The following PPP4R1 variants were observed in gnomAD, a reference collection of about 807,000 sequenced individuals.
PPP4R1 encodes protein phosphatase 4 regulatory subunit 1.
PPP4R1 carries 42 observed loss-of-function variants against 111.2 expected under a neutral mutation model. The ratio of observed to expected loss-of-function variants is 0.38; its 90% confidence interval spans 0.29 to 0.49. PPP4R1 has a LOEUF of 0.49. Ranked by LOEUF, PPP4R1 falls within the 20% of genes least tolerant of loss-of-function variation. PPP4R1 has a pLI of 0.97. For missense variants in PPP4R1, 1,012 were observed against 1,161.6 expected, an observed-to-expected ratio of 0.87 and a Z score of 1.87; for synonymous variants, 409 against 405.5, an observed-to-expected ratio of 1.01 and a Z score of -0.10.
At chr18:9,580,810 G>A (rs573176169) in intron 9 of PPP4R1, among the ~76,000 whole-genome samples, 4 of 152,292 alleles carry the variant, frequency 2.6e-5, no homozygotes, top group African/African-American at 9.6e-5. Context: ...AGCAGCTGAG[G>A]GGTGAGGCTC....
Position 9,565,452 on chromosome 18 carries a change from G to C in PPP4R1, c.1574-1902C>G, listed in dbSNP as rs142457982. Among the ~76,000 whole-genome samples the C allele has an allele frequency of 3.4e-3, 518 of 152,332 alleles. 3 individuals carry two copies. Among genetic ancestry groups the C allele is most frequent in the Non-Finnish European group, 4.4e-3 (302 of 68,038 alleles). ...CCAAAGCTAGAAATGATTAAGCTTA[G>C]TGGGGAAGGCATCTCAAAAGCCAAG... On this transcript the variant is annotated intron_variant, in intron 11 of 19. Transcript: ENST00000400556.
chr18:9,604,302 A>G (rs1347701164), intron 2 of PPP4R1, among the ~76,000 whole-genome samples: 7 of 152,128 alleles, frequency 4.6e-5, no homozygotes, highest in Admixed American at 1.3e-4. Flanking sequence ...TCCAGTTTAT[A>G]TATCAGCACC....
intron 10 of PPP4R1, among the ~76,000 whole-genome samples, chr18:9,576,736 A>C (rs1455219852): frequency 9.6e-6 from 1 of 104,080 alleles, no homozygotes; most frequent in Non-Finnish European, 2.0e-5. Context: ...TATATTGTAG[A>C]TATCAATGAA....
At chr18:9,578,930 T>C (rs1260435813) in intron 9 of PPP4R1, among the ~76,000 whole-genome samples, 1 of 152,180 alleles carries the variant, frequency 6.6e-6, no homozygotes, top group Non-Finnish European at 1.5e-5. Flanking sequence ...ATAAAGGACA[T>C]AGAAAACTTA....
chr18:9,554,285 G>A (rs925401814), intron 15 of PPP4R1, among the ~76,000 whole-genome samples: 4 of 151,780 alleles, frequency 2.6e-5, no homozygotes, highest in African/African-American at 4.8e-5. Context: ...ATGCCACCAC[G>A]CCCGGCTAAT....
chr18:9,575,277 G>A (rs1019536755), intron 10 of PPP4R1, among the ~76,000 whole-genome samples: 1 of 152,202 alleles, frequency 6.6e-6, no homozygotes, highest in African/African-American at 2.4e-5. Flanking sequence ...TTCATAGGAG[G>A]TGCTCAGTTA....
intron 9 of PPP4R1, among the ~76,000 whole-genome samples, chr18:9,580,159 T>C (rs1406868275): frequency 6.6e-6 from 1 of 152,122 alleles, no homozygotes; most frequent in Non-Finnish European, 1.5e-5. Context: ...TATGCAAAGG[T>C]CCTGAGATTG....
chr18:9,563,735 C>T (rs2066716628), intron 11 of PPP4R1, 185 bp from the exon 12 acceptor site: 1 of 486,748 alleles, frequency 2.1e-6, no homozygotes, highest in Non-Finnish European at 3.5e-6. Flanking sequence ...AAGTAGAAAA[C>T]TAATATGCTT....
chr18:9,577,921 C>CT (rs1195300604), intron 9 of PPP4R1, among the ~76,000 whole-genome samples: 1 of 152,120 alleles, frequency 6.6e-6, no homozygotes, highest in African/African-American at 2.4e-5. Flanking sequence ...GTAGGAAAGA[C>CT]TTTAATTTGT....
chr18:9,605,919 T>C (rs1241698333), intron 2 of PPP4R1, among the ~76,000 whole-genome samples: 1 of 152,136 alleles, frequency 6.6e-6, no homozygotes, highest in Non-Finnish European at 1.5e-5. Flanking sequence ...CACCAAAAAA[T>C]TACATTACAT....
chr18:9,570,197 T>C lies in PPP4R1; in HGVS notation c.1533A>G (p.Ile511Met), dbSNP rs1394857463. The change falls in exon 11 of 20, where the codon ATA becomes ATG. Residue 511 changes from isoleucine (I) to methionine (M), a missense_variant. Physicochemically the swap from Ile to Met is conservative, Grantham distance 10. Transcript: ENST00000400556. ...CATCAATGTGGGGCTCTAGATTTTC[T>C]ATCATTTCTTCCAGTTCCTTTCTGG... ...MATRKELEEM[I>M]ENLEPHIDDP... is the part of the protein sequence containing the mutation. The C allele has an allele frequency of 6.5e-7, 1 of 1,545,066 alleles. No homozygotes were observed. Among genetic ancestry groups the C allele is most frequent in the Non-Finnish European group, 8.7e-7 (1 of 1,148,586 alleles).
intron 11 of PPP4R1, 26 bp from the exon 12 acceptor site, chr18:9,563,576 A>C (rs1372004491): frequency 1.3e-6 from 2 of 1,526,044 alleles, no homozygotes; most frequent in Admixed American, 1.9e-5. Context: ...GGAAATGGAC[A>C]AAGTGAGAAA....
chr18:9,584,982 T>C (rs1419525377), intron 6 of PPP4R1, among the ~76,000 whole-genome samples, 154 bp from the exon 7 acceptor site: 1 of 152,184 alleles, frequency 6.6e-6, no homozygotes, highest in African/African-American at 2.4e-5. Context: ...AGCCAATTAT[T>C]AATTTCATCT....
intron 9 of PPP4R1, 73 bp downstream of exon 9, chr18:9,583,044 G>T: frequency 7.7e-7 from 1 of 1,292,746 alleles, no homozygotes; most frequent in Non-Finnish European, 1.0e-6. Context: ...TATTTCTTAT[G>T]AGGTCAAAAT....
At chr18:9,594,076 C>T in intron 3 of PPP4R1, 1 of 460,434 alleles carries the variant, frequency 2.2e-6, no homozygotes, top group Non-Finnish European at 4.0e-6. Context: ...TACAGGCATG[C>T]ACCACCACAC....
intron 9 of PPP4R1, 35 bp downstream of exon 9, chr18:9,583,082 G>A: frequency 6.5e-7 from 1 of 1,540,014 alleles, no homozygotes; most frequent in East Asian, 2.3e-5. Flanking sequence ...GGACACAAAT[G>A]TATTATTTTA....
chr18:9,572,759 C>T (rs1242018526), intron 10 of PPP4R1, among the ~76,000 whole-genome samples: 5 of 152,176 alleles, frequency 3.3e-5, no homozygotes, highest in Non-Finnish European at 5.9e-5. Flanking sequence ...TTTTCACAAA[C>T]AGGTGATTAT....
intron 10 of PPP4R1, 150 bp from the exon 11 acceptor site, chr18:9,570,833 T>A: frequency 1.2e-6 from 1 of 844,848 alleles, no homozygotes; most frequent in Non-Finnish European, 1.7e-6. Flanking sequence ...GTATATTATT[T>A]ATAATGCTTC....
chr18:9,607,576 A>G (rs2067502397), intron 2 of PPP4R1, among the ~76,000 whole-genome samples: 1 of 152,164 alleles, frequency 6.6e-6, no homozygotes, highest in South Asian at 2.1e-4. Context: ...AAATGAGCAC[A>G]TAAAAAGAGT....
Sources: allele counts gnomAD v4.1 joint callset (sites outside exome capture counted in the v4.1 genomes callset), GRCh38; gene constraint gnomAD v4.1.1; transcripts MANE v1.5; gene names NCBI Gene and HGNC (gene_info 2026-07-23, HGNC 2026-07-21).